The following ELAVL4 variants were observed in gnomAD, a reference collection of about 807,000 sequenced individuals.
ELAVL4 encodes the protein ELAV-like protein 4.
A neutral mutation model predicts 35.6 loss-of-function variants in ELAVL4; 1 was observed. That is an observed-to-expected ratio of 0.03 (90% CI 0.01 to 0.13). The LOEUF (loss-of-function observed/expected upper bound fraction) is 0.13, where lower values mean the gene tolerates loss of function less well. Ranked by LOEUF, ELAVL4 falls within the 10% of genes least tolerant of loss-of-function variation. The pLI is 1.00. For missense variants in ELAVL4, 267 were observed against 464.9 expected (o/e 0.57, Z 3.91); for synonymous variants, 156 against 171.0 (o/e 0.91, Z 0.69).
intron 1 of ELAVL4, among the ~76,000 whole-genome samples, chr1:50,085,101 G>A (rs1209516455): frequency 6.6e-6 from 1 of 152,130 alleles, no homozygotes; most frequent in African/African-American, 2.4e-5. Context: ...ATCCCAAAGT[G>A]TATACAACTA....
chr1:50,109,576 G>C (rs1247015386), intron 1 of ELAVL4: 2 of 388,230 alleles, frequency 5.2e-6, no homozygotes, highest in East Asian at 4.7e-5. Flanking sequence ...TGTGGGGCTG[G>C]GGGTGGATGC....
chr1:50,074,562 CCCAGTCTGTTG>C (rs1165688999), intron 1 of ELAVL4, among the ~76,000 whole-genome samples: 177 of 152,232 alleles, frequency 1.2e-3, no homozygotes, highest in African/African-American at 3.8e-3. Flanking sequence ...AAGAAAGGGA[CCCAGTCTGTTG>C]CCTTGAGGAA....
chr1:50,180,671 G>A (rs1216785496), intron 3 of ELAVL4: 1 of 152,102 alleles, frequency 6.6e-6, no homozygotes, highest in Non-Finnish European at 1.5e-5. Context: ...TGTTCTTTGG[G>A]TTATAACTTC....
At chr1:50,087,903 C>T (rs1324726619) in intron 1 of ELAVL4, among the ~76,000 whole-genome samples, 2 of 152,230 alleles carry the variant, frequency 1.3e-5, no homozygotes, top group African/African-American at 4.8e-5. Context: ...TTTGTTTAAA[C>T]CACCCAGTCT....
chr1:50,092,637 C>A (rs1572162116), intron 1 of ELAVL4, among the ~76,000 whole-genome samples: 1 of 152,166 alleles, frequency 6.6e-6, no homozygotes, highest in South Asian at 2.1e-4. Flanking sequence ...TAGGCGTGGG[C>A]TCCCTAGTCT....
chr1:50,138,028 T>C (rs1460611649), intron 1 of ELAVL4, among the ~76,000 whole-genome samples: 3 of 152,214 alleles, frequency 2.0e-5, no homozygotes, highest in Non-Finnish European at 4.4e-5. Context: ...ATTCTTTTCC[T>C]TTTGACTCAT....
At chr1:50,096,484 G>A (rs1665722943) in intron 1 of ELAVL4, among the ~76,000 whole-genome samples, 1 of 150,916 alleles carries the variant, frequency 6.6e-6, no homozygotes, top group Non-Finnish European at 1.5e-5. Context: ...GGAAAGGAAT[G>A]TCTTGGAGGT....
chr1:50,197,956 C>A (rs1382494516), intron 6 of ELAVL4, among the ~76,000 whole-genome samples: 2 of 152,184 alleles, frequency 1.3e-5, no homozygotes, highest in African/African-American at 2.4e-5. Flanking sequence ...CCAGCTCTGG[C>A]CAAAGGATAA....
chr1:50,118,380 A>G (rs1048337999), intron 1 of ELAVL4, among the ~76,000 whole-genome samples: 2 of 152,074 alleles, frequency 1.3e-5, no homozygotes, highest in Non-Finnish European at 2.9e-5. Context: ...GCAAGGCAGC[A>G]TGATGGATGG....
At chr1:50,098,206 A>C (rs1291673838) in intron 1 of ELAVL4, among the ~76,000 whole-genome samples, 2 of 152,218 alleles carry the variant, frequency 1.3e-5, no homozygotes, top group Non-Finnish European at 2.9e-5. Context: ...AGTAGGTATC[A>C]AATAATAAAA....
At chr1:50,049,228 C>T (rs929549073) in intron 1 of ELAVL4, among the ~76,000 whole-genome samples, 1 of 152,194 alleles carries the variant, frequency 6.6e-6, no homozygotes, top group Non-Finnish European at 1.5e-5. Flanking sequence ...ATGCCCCTTA[C>T]CTAAATGCTT....
chr1:50,058,440 A>G (rs542099207), intron 1 of ELAVL4, among the ~76,000 whole-genome samples: 2 of 152,230 alleles, frequency 1.3e-5, no homozygotes, highest in East Asian at 1.9e-4. Context: ...TTCTTACCTT[A>G]TGTTTCTATA....
chr1:50,129,105 T>A (rs1170604213), intron 1 of ELAVL4, among the ~76,000 whole-genome samples: 3 of 151,948 alleles, frequency 2.0e-5, no homozygotes, highest in Non-Finnish European at 4.4e-5. Flanking sequence ...TTATAAAAAA[T>A]TATTTTATTA....
At chr1:50,119,035 A>AAAAAG (rs1668500307) in intron 1 of ELAVL4, among the ~76,000 whole-genome samples, 1 of 116,540 alleles carries the variant, frequency 8.6e-6, no homozygotes, top group Non-Finnish European at 1.8e-5. Context: ...AGAAAGAAAG[A>AAAAAG]AAAAGAAAGA....
At chr1:50,079,288 G>T (rs1664905762) in intron 1 of ELAVL4, among the ~76,000 whole-genome samples, 1 of 152,142 alleles carries the variant, frequency 6.6e-6, no homozygotes, top group Non-Finnish European at 1.5e-5. Context: ...AGTAGATTCT[G>T]ATGTAGACTA....
At chr1:50,100,323 A>G (rs1442920039), upstream of ELAVL4, among the ~76,000 whole-genome samples, 1 of 152,216 alleles carries the variant, frequency 6.6e-6, no homozygotes, top group Non-Finnish European at 1.5e-5. Context: ...TCGTCATATC[A>G]TAACATCCCT....
chr1:50,167,217 A>G (rs1678092393), intron 2 of ELAVL4, among the ~76,000 whole-genome samples: 1 of 152,216 alleles, frequency 6.6e-6, no homozygotes, highest in African/African-American at 2.4e-5. Flanking sequence ...CCATTCCATC[A>G]TTCTATCAAT....
At chr1:50,048,644 G>A (rs1408888973) in intron 1 of ELAVL4, among the ~76,000 whole-genome samples, 1 of 152,198 alleles carries the variant, frequency 6.6e-6, no homozygotes, top group African/African-American at 2.4e-5. Flanking sequence ...GGCGCTGGGC[G>A]CGCGGACTTG....
At chr1:50,151,541 A>T (rs933698132) in intron 2 of ELAVL4, among the ~76,000 whole-genome samples, 5 of 152,334 alleles carry the variant, frequency 3.3e-5, no homozygotes, top group African/African-American at 1.2e-4. Flanking sequence ...ACCCAGCCTC[A>T]TTTAGGCATA....
Sources: gnomAD v4.1 joint callset for allele counts (sites outside exome capture counted in the v4.1 genomes callset) on GRCh38, gnomAD v4.1.1 for gene constraint, MANE v1.5 for transcripts, NCBI Gene and HGNC (gene_info 2026-07-23, HGNC 2026-07-21) for gene names.